The following RALGPS1 variants were observed in gnomAD, a reference collection of about 807,000 sequenced individuals.
RALGPS1 encodes the protein Ral GEF with PH domain and SH3 binding motif 1.
In RALGPS1, 19 loss-of-function variants were observed where a neutral mutation model predicts 78.8. The ratio of observed to expected loss-of-function variants is 0.24; its 90% CI spans 0.17 to 0.35. RALGPS1 has a LOEUF of 0.35. RALGPS1 is among the 10% of genes least tolerant of loss of function. The pLI is 1.00. For synonymous variants in RALGPS1, 228 were observed against 256.3 expected (o/e 0.89, Z 1.06); for missense variants, 454 against 688.3 (o/e 0.66, Z 3.81).
chr9:126,978,948 G>T (rs1220040305), intron 4 of RALGPS1, among the ~76,000 whole-genome samples: 1 of 152,168 alleles, frequency 6.6e-6, no homozygotes, highest in African/African-American at 2.4e-5. Context: ...AACACTGAGG[G>T]ACCCAGCCTT....
rs751383725 is a variant in RALGPS1 at position 127,184,031 on chromosome 9, A to C, written c.910+9249A>C. 612 of 1,548,792 alleles carry C rather than the reference A, an allele frequency of 4.0e-4. 1 individual carries two copies. The highest frequency in any genetic ancestry group is 5.1e-4 in the Non-Finnish European group (588 of 1,146,724). On this transcript the variant is annotated intron_variant, in intron 11 of 18. Coordinates refer to ENST00000259351, the MANE Select transcript of RALGPS1 (RefSeq NM_014636.3). ...CTCCCCGTGGCCTAGGAATCTAAGA[A>C]ATGATCAAGGTCAACCAGGTGCAGT...
In RALGPS1 at chr9:127,050,138, C is replaced by T. The variant is rs763536054; in HGVS notation, c.390+6C>T. ...ATTTTGTGAAAATAGCCAAGGTAAG[C>T]TTTTTATTATTATTTTTCCTTCCTT... On this transcript the variant is annotated splice_donor_region_variant and intron_variant, in intron 6 of 18. Transcript: ENST00000259351. The T allele has an allele frequency of 1.9e-6, 3 of 1,594,742 alleles. No individual in the cohort carries two copies. Among genetic ancestry groups the T allele is most frequent in the South Asian group, 2.2e-5 (2 of 90,660 alleles).
At chr9:126,992,019 C>T (rs2042326172) in intron 4 of RALGPS1, among the ~76,000 whole-genome samples, 1 of 152,128 alleles carries the variant, frequency 6.6e-6, no homozygotes, top group Non-Finnish European at 1.5e-5. Flanking sequence ...ATGACAGGAT[C>T]AATACTTGTC....
At chr9:127,047,468 G>C (rs984489258) in intron 5 of RALGPS1, among the ~76,000 whole-genome samples, 12 of 152,172 alleles carry the variant, frequency 7.9e-5, no homozygotes, top group African/African-American at 2.7e-4. Context: ...GGAGGCCGAG[G>C]CAGGTGGATC....
At chr9:126,981,104 GA>G (rs1190476975) in intron 4 of RALGPS1, among the ~76,000 whole-genome samples, 2 of 152,102 alleles carry the variant, frequency 1.3e-5, no homozygotes, top group African/African-American at 4.8e-5. Context: ...TATTAATGAG[GA>G]GATGGGGGTA....
At chr9:127,079,190 C>T (rs550660009) in intron 8 of RALGPS1, among the ~76,000 whole-genome samples, 2 of 152,276 alleles carry the variant, frequency 1.3e-5, no homozygotes, top group East Asian at 3.9e-4. Flanking sequence ...GGTGGGAGGT[C>T]CTGGAGAAGC....
intron 8 of RALGPS1, among the ~76,000 whole-genome samples, chr9:127,152,283 G>A (rs541160830): frequency 2.0e-5 from 3 of 152,172 alleles, no homozygotes; most frequent in South Asian, 2.1e-4. Context: ...GTATTCTTTC[G>A]TATTATCCTT....
chr9:127,091,692 G>C lies in RALGPS1; in HGVS notation c.610+22336G>C. On this transcript the variant is annotated intron_variant, in intron 8 of 18. Transcript: ENST00000259351. The surrounding 1 kb of genome is among the most constrained non-coding windows in gnomAD (Gnocchi z 4.3). ...TACCTGTGTAGACATCATGATCTCT[G>C]TCCAGGGTGGTGAACTGCTTGCCGT... 2 of 1,613,856 alleles carry C rather than the reference G, an allele frequency of 1.2e-6. No individual in the cohort carries two copies. Among genetic ancestry groups the C allele is most frequent in the Non-Finnish European group, 1.7e-6 (2 of 1,180,002 alleles).
chr9:126,998,042 T>C (rs1285712034), intron 4 of RALGPS1, among the ~76,000 whole-genome samples: 4 of 152,272 alleles, frequency 2.6e-5, no homozygotes, highest in African/African-American at 9.6e-5. Flanking sequence ...AAGACTTAAA[T>C]GTTAGACCTA....
chr9:127,094,247 T>C (rs112610667), intron 8 of RALGPS1, among the ~76,000 whole-genome samples: 42 of 152,250 alleles, frequency 2.8e-4, no homozygotes, highest in African/African-American at 8.9e-4. Context: ...TTCCCTCATA[T>C]AGTGTTGTCA....
At chr9:126,953,244 A>G (rs2038028195) in intron 1 of RALGPS1, among the ~76,000 whole-genome samples, 1 of 152,172 alleles carries the variant, frequency 6.6e-6, no homozygotes, top group Non-Finnish European at 1.5e-5. Context: ...GTGGGATTGT[A>G]CTGTGGTTCT....
rs1215723776 is a variant in RALGPS1, at chr9:126,961,196, G to A, written c.-65-1029G>A. 2.0e-5 allele frequency among the ~76,000 whole-genome samples: 3 copies of A among 152,208 alleles called. No individual in the cohort carries two copies. In the East Asian group the frequency reaches 5.8e-4, roughly 29 times the overall value. On this transcript the variant is annotated intron_variant, in intron 1 of 18. Transcript: ENST00000259351. Reference sequence around the variant, plus strand: ...AGAACAGCTGGCTCTGTTTTGGGTTGTTCAGGCATGATAGCCAGAAGAAGG... The same window carrying A: ...AGAACAGCTGGCTCTGTTTTGGGTTATTCAGGCATGATAGCCAGAAGAAGG...
In RALGPS1 at chr9:127,069,351, A is replaced by G. The variant is rs746445600; in HGVS notation, c.605A>G (p.Tyr202Cys). ...CTGAAGATGGTTCCAAGTATTCCCTATCTAGGTAGGAGTTTGAATTGGCTT... is the reference window on the plus strand; with the variant it reads ...CTGAAGATGGTTCCAAGTATTCCCTGTCTAGGTAGGAGTTTGAATTGGCTT... ...RSLKMVPSIP[Y>C]LGIYLLDLIY... Residue 202 changes from tyrosine (Y) to cysteine (C), a missense_variant, in exon 8 of 19, where the codon TAT (tyrosine) becomes TGT (cysteine). Physicochemically the swap from Tyr to Cys is radical, Grantham distance 194. Transcript: ENST00000259351. The G allele has an allele frequency of 3.7e-6, 6 of 1,613,880 alleles. No individual in the cohort carries two copies. Among genetic ancestry groups the G allele is most frequent in the Non-Finnish European group, 5.1e-6 (6 of 1,179,816 alleles).
At chr9:127,036,022 G>A (rs943769470) in intron 5 of RALGPS1, among the ~76,000 whole-genome samples, 1 of 152,248 alleles carries the variant, frequency 6.6e-6, no homozygotes, top group Non-Finnish European at 1.5e-5. Context: ...CCAGAGGAGG[G>A]TCTGCTGGGG....
At position 127,212,070 on chromosome 9, in the gene RALGPS1, G is replaced by A. The variant is rs191244424; in HGVS notation, c.1248-61G>A. On this transcript the variant is annotated intron_variant, in intron 14 of 18. Transcript: ENST00000259351. The surrounding 1 kb of genome is among the most constrained non-coding windows in gnomAD (Gnocchi z 6.0). ...GTGGGGCACCTGTGGTCCCCAGTGA[G>A]TGAGAGGGTGCTTGACCTCAGCTCC... 1.5e-4 allele frequency: 207 copies of A among 1,376,714 alleles called. No homozygotes were observed. Among genetic ancestry groups the A allele is most frequent in the Admixed American group, 9.6e-4 (48 of 49,832 alleles). 85.3% of individuals were successfully genotyped at this position (1,376,714 alleles called of 1,614,324 possible).
chr9:126,974,391 G>C (rs773602699), intron 3 of RALGPS1, among the ~76,000 whole-genome samples: 9 of 152,184 alleles, frequency 5.9e-5, no homozygotes, highest in Non-Finnish European at 7.3e-5. Context: ...TGCCTTGGTG[G>C]AGTGGGGTAA....
At chr9:126,990,196 ACAT>A (rs2042162638) in intron 4 of RALGPS1, 4 of 632,568 alleles carry the variant, frequency 6.3e-6, no homozygotes, top group South Asian at 2.1e-5. Flanking sequence ...GGTTTCCCTG[ACAT>A]CATTAAAACC....
intron 1 of RALGPS1, among the ~76,000 whole-genome samples, chr9:126,931,981 GT>G (rs11331889): frequency 0.17 from 25,612 of 148,204 alleles, 2,837 homozygotes; most frequent in East Asian, 0.44. Context: ...CCACAGACAT[GT>G]TTTTTTTTTT....
At chr9:126,944,064 G>C (rs1035776412) in intron 1 of RALGPS1, among the ~76,000 whole-genome samples, 13 of 152,238 alleles carry the variant, frequency 8.5e-5, no homozygotes, top group African/African-American at 3.1e-4. Context: ...CGCAGCCCAT[G>C]GGGGCCTCCC....
Sources: allele counts gnomAD v4.1 joint callset (sites outside exome capture counted in the v4.1 genomes callset), GRCh38; gene constraint gnomAD v4.1.1; non-coding constraint Gnocchi (gnomAD v3.1); transcripts MANE v1.5; gene names NCBI Gene and HGNC (gene_info 2026-07-23, HGNC 2026-07-21).